Variants in NXN observed in about 807,000 individuals in gnomAD.
NXN encodes the protein nucleoredoxin, also known as nucleoredoxin 1.
A neutral mutation model predicts 48.6 loss-of-function variants in NXN; 16 were observed. The observed-to-expected ratio is 0.33, with a 90% CI of 0.22 to 0.50. The LOEUF (loss-of-function observed/expected upper bound fraction) is 0.50. NXN is among the 20% of genes least tolerant of loss of function. NXN has a pLI of 0.98. For synonymous variants in NXN, 281 were observed against 269.6 expected (o/e 1.04, Z -0.41); for missense variants, 492 against 605.5 (o/e 0.81, Z 1.97).
chr17:911,985 TG>T (rs2068640998), intron 1 of NXN, among the ~76,000 whole-genome samples: 1 of 151,222 alleles, frequency 6.6e-6, no homozygotes, highest in African/African-American at 2.4e-5. Flanking sequence ...TTGCCCAGGC[TG>T]GAGTACAGTG....
At chr17:955,513 A>G (rs184372947) in intron 1 of NXN, among the ~76,000 whole-genome samples, 18 of 151,644 alleles carry the variant, frequency 1.2e-4, no homozygotes, top group Admixed American at 1.1e-3. Context: ...TCTGACAGAC[A>G]CTGGTTGGAC....
chr17:845,236 CT>C (rs1335522372), intron 1 of NXN, among the ~76,000 whole-genome samples: 1 of 128,694 alleles, frequency 7.8e-6, no homozygotes, highest in Non-Finnish European at 1.6e-5. Context: ...GAATTCCACC[CT>C]TCTAGAATCC....
At chr17:889,763 A>AGAG in intron 1 of NXN, among the ~76,000 whole-genome samples, 1 of 121,464 alleles carries the variant, frequency 8.2e-6, no homozygotes, top group African/African-American at 3.7e-5. Flanking sequence ...AAGAAAGAAA[A>AGAG]AGAAAGAAAG....
intron 1 of NXN, among the ~76,000 whole-genome samples, chr17:936,325 G>A (rs2068907362): frequency 6.6e-6 from 1 of 152,010 alleles, no homozygotes. Context: ...CTTCTCCCGT[G>A]GGGTGGAAGA....
intron 1 of NXN, among the ~76,000 whole-genome samples, chr17:936,202 A>G (rs2068906045): frequency 6.6e-6 from 1 of 151,720 alleles, no homozygotes; most frequent in Non-Finnish European, 1.5e-5. Flanking sequence ...GATTCAACCT[A>G]TGGACTCAAG....
In NXN at chr17:892,286, C is replaced by T. The variant is rs146119554; in HGVS notation, c.361-66208G>A. Reference sequence around the variant, plus strand: ...CAACAGGGAACTAAGCTAACCCCACCATGCACAGCCCAACAATTAGAACTT... The same window carrying T: ...CAACAGGGAACTAAGCTAACCCCACTATGCACAGCCCAACAATTAGAACTT... On this transcript the variant is annotated intron_variant, in intron 1 of 7. Coordinates refer to ENST00000336868, the MANE Select transcript of NXN (RefSeq NM_022463.5). 3.2e-3 allele frequency among the ~76,000 whole-genome samples: 484 copies of T among 152,300 alleles called. 4 individuals carry two copies. Among genetic ancestry groups the T allele is most frequent in the African/African-American group, 0.011 (460 of 41,556 alleles).
intron 1 of NXN, among the ~76,000 whole-genome samples, chr17:847,147 C>A (rs1440185612): frequency 6.6e-6 from 1 of 152,120 alleles, no homozygotes; most frequent in Non-Finnish European, 1.5e-5. Flanking sequence ...ACCGTCCGTA[C>A]CTGTCCCCCC....
chr17:926,649 C>G (rs970715164), intron 1 of NXN, among the ~76,000 whole-genome samples: 2 of 151,792 alleles, frequency 1.3e-5, no homozygotes, highest in African/African-American at 4.8e-5. Context: ...GGGCTAAAAC[C>G]ATCCTCCCAC....
chr17:902,886 C>A (rs1226965070), intron 1 of NXN, among the ~76,000 whole-genome samples: 2 of 151,754 alleles, frequency 1.3e-5, no homozygotes, highest in African/African-American at 4.8e-5. Context: ...TCAAGCGATT[C>A]TCCTGCCTCA....
intron 5 of NXN, among the ~76,000 whole-genome samples, chr17:812,877 T>G (rs543300557): frequency 6.7e-6 from 1 of 148,608 alleles, no homozygotes; most frequent in Admixed American, 6.7e-5. Context: ...TGTGGGTGTG[T>G]GCGCACATGT....
chr17:834,151 C>A (rs1567823667), intron 1 of NXN, among the ~76,000 whole-genome samples: 1 of 152,196 alleles, frequency 6.6e-6, no homozygotes, highest in Non-Finnish European at 1.5e-5. Flanking sequence ...AAAACCCTAT[C>A]ACTCCACAAA....
At chr17:818,739 A>G (rs1234757315) in intron 5 of NXN, among the ~76,000 whole-genome samples, 1 of 151,924 alleles carries the variant, frequency 6.6e-6, no homozygotes, top group African/African-American at 2.4e-5. Flanking sequence ...CAAAAAATTT[A>G]GCCGGGCGTG....
At chr17:813,657 C>CATT (rs2144613575) in intron 5 of NXN, among the ~76,000 whole-genome samples, 1 of 152,296 alleles carries the variant, frequency 6.6e-6, no homozygotes, top group South Asian at 2.1e-4. Flanking sequence ...TTAACTTCAG[C>CATT]ATTTTTTTTT....
At chr17:832,476 T>C (rs1459565901) in intron 1 of NXN, among the ~76,000 whole-genome samples, 1 of 151,976 alleles carries the variant, frequency 6.6e-6, no homozygotes, top group Non-Finnish European at 1.5e-5. Context: ...TGAGCCACCA[T>C]GCCCAGCCTC....
chr17:972,038 C>A (rs572822345), intron 1 of NXN, among the ~76,000 whole-genome samples: 1 of 152,132 alleles, frequency 6.6e-6, no homozygotes. Flanking sequence ...CGGTGGCTCA[C>A]ACCCGTAAGC....
At chr17:820,224 T>C (rs897725358) in intron 4 of NXN, among the ~76,000 whole-genome samples, 4 of 152,232 alleles carry the variant, frequency 2.6e-5, no homozygotes, top group African/African-American at 9.6e-5. Context: ...GGTAACATGG[T>C]ACGTACATTG....
chr17:934,185 C>T (rs1486420087), intron 1 of NXN, among the ~76,000 whole-genome samples: 2 of 151,962 alleles, frequency 1.3e-5, no homozygotes, highest in African/African-American at 4.8e-5. Flanking sequence ...GTGGCTCACG[C>T]CTGTAATCCC....
chr17:909,098 CAAAA>C (rs59822805), intron 1 of NXN, among the ~76,000 whole-genome samples: 1 of 117,326 alleles, frequency 8.5e-6, no homozygotes, highest in Non-Finnish European at 1.8e-5. Context: ...GACTTCGTCT[CAAAA>C]AAAAAAAAAA....
chr17:850,187 T>G (rs189544329), intron 1 of NXN, among the ~76,000 whole-genome samples: 1 of 152,140 alleles, frequency 6.6e-6, no homozygotes, highest in Non-Finnish European at 1.5e-5. Context: ...CAAAATCACC[T>G]GACGGACGCT....
Sources: allele counts gnomAD v4.1 joint callset (sites outside exome capture counted in the v4.1 genomes callset), GRCh38; gene constraint gnomAD v4.1.1; transcripts MANE v1.5; gene names NCBI Gene and HGNC (gene_info 2026-07-23, HGNC 2026-07-21).